Variants in DNAH12 observed in about 807,000 individuals in gnomAD.
DNAH12 encodes axonemal beta dynein heavy chain 12.
Under a neutral mutation model 371.5 loss-of-function variants are expected in DNAH12, and 285 were observed. The observed-to-expected ratio is 0.77, with a 90% CI of 0.70 to 0.85. The LOEUF (loss-of-function observed/expected upper bound fraction) is 0.85, where lower values mean the gene tolerates loss of function less well. DNAH12 is among the 40% of genes least tolerant of loss of function. DNAH12 has a pLI of 0.00. For missense variants in DNAH12, 3,611 were observed against 3,689.4 expected (o/e 0.98, Z 0.55); for synonymous variants, 1,200 against 1,213.0 (o/e 0.99, Z 0.22).
In DNAH12 at chr3:57,465,716, A is replaced by G. The variant is rs183749855; in HGVS notation, c.2350-2841T>C. Among the ~76,000 whole-genome samples, 403 of 152,294 alleles carry G rather than the reference A, an allele frequency of 2.6e-3. 1 individual carries two copies. Among genetic ancestry groups the G allele is most frequent in the Non-Finnish European group, 4.7e-3 (317 of 68,014 alleles). On this transcript the variant is annotated intron_variant, in intron 17 of 73. Coordinates refer to ENST00000495027, the MANE Select transcript of DNAH12 (RefSeq NM_001366028.2). Reference sequence around the variant, plus strand: ...AATAATAAATATTCACATCACAGACAAAGCCTAATCTCCTATATATACAAG... The same window carrying G: ...AATAATAAATATTCACATCACAGACGAAGCCTAATCTCCTATATATACAAG...
intron 15 of DNAH12, 78 bp from the exon 16 acceptor site, chr3:57,470,714 A>G (rs763866100): frequency 8.4e-7 from 1 of 1,192,872 alleles, no homozygotes; most frequent in African/African-American, 1.6e-5. Flanking sequence ...TACTGTGTAC[A>G]ATATGTCCTT....
At chr3:57,396,290 C>CAAAAAAAAAA (rs1159748997) in intron 43 of DNAH12, among the ~76,000 whole-genome samples, 10 of 68,712 alleles carry the variant, frequency 1.5e-4, no homozygotes, top group East Asian at 4.4e-4. Flanking sequence ...AAAAAAAAAA[C>CAAAAAAAAAA]AAAAAAAAAA....
chr3:57,463,709 A>G (rs941126656), intron 17 of DNAH12, among the ~76,000 whole-genome samples: 1 of 152,114 alleles, frequency 6.6e-6, no homozygotes, highest in African/African-American at 2.4e-5. Flanking sequence ...TATAACAGGC[A>G]CTCAGTAAGT....
intron 8 of DNAH12, among the ~76,000 whole-genome samples, chr3:57,505,243 C>T (rs1254192922): frequency 1.5e-5 from 2 of 129,192 alleles, no homozygotes; most frequent in Non-Finnish European, 3.3e-5. Flanking sequence ...TTACCACACC[C>T]CCCACCCCCC....
chr3:57,544,609 G>C (rs1409675518), upstream of DNAH12, among the ~76,000 whole-genome samples: 3 of 152,164 alleles, frequency 2.0e-5, no homozygotes, highest in African/African-American at 7.2e-5. Flanking sequence ...ATTTAGATCT[G>C]TTGGAAAACA....
intron 70 of DNAH12, among the ~76,000 whole-genome samples, chr3:57,300,539 C>G (rs1258233446): frequency 1.3e-5 from 2 of 151,966 alleles, no homozygotes; most frequent in African/African-American, 4.8e-5. Context: ...CACACACACC[C>G]ACACACACCA....
chr3:57,412,943 C>T (rs2064252594), intron 39 of DNAH12, among the ~76,000 whole-genome samples: 1 of 152,152 alleles, frequency 6.6e-6, no homozygotes, highest in South Asian at 2.1e-4. Flanking sequence ...TTGGTATTTA[C>T]TCAAAGAAGT....
chr3:57,442,575 A>G (rs919945344), intron 29 of DNAH12, among the ~76,000 whole-genome samples: 2 of 152,232 alleles, frequency 1.3e-5, no homozygotes, highest in African/African-American at 4.8e-5. Context: ...TTTGAAATCC[A>G]AAAGAAGTCA....
Position 57,493,359 on chromosome 3 carries a change from A to G in DNAH12, c.1336-3672T>C, listed in dbSNP as rs375108137. Reference sequence around the variant, plus strand: ...ATATAGCATTTATATTGCATTAGGTATTAGAAGTAATCTAGAGATAGTTTA... The same window carrying G: ...ATATAGCATTTATATTGCATTAGGTGTTAGAAGTAATCTAGAGATAGTTTA... On this transcript the variant is annotated intron_variant, in intron 11 of 73. Transcript: ENST00000495027. 1.3e-3 allele frequency among the ~76,000 whole-genome samples: 198 copies of G among 152,318 alleles called. 1 individual carries two copies. The highest frequency in any genetic ancestry group is 4.5e-3 in the African/African-American group (186 of 41,586).
rs369766141 is a variant in DNAH12 at position 57,293,816 on chromosome 3, G to A, written c.11848C>T (p.Arg3950Cys). The change falls in exon 74 of 74, where the codon CGC (arginine) becomes TGC (cysteine). Residue 3950 changes from arginine to cysteine, a missense_variant. Around this residue, in one of 3 missense-constraint regions of DNAH12, gnomAD observed 2,266 missense variants for 2,236.9 expected, o/e 1.01. Transcript: ENST00000495027. ...TDQPTRHWIK[R>C]GVALLCQLDD is the part of the protein sequence containing the mutation. The stretch of plus-strand genomic sequence containing the variant: ...AACTGACAAAGCAAAGCAACCCCGC[G>A]CTTGATCCAGTGCCGAGTAGGTTGG... 52 of 1,549,388 alleles carry A rather than the reference G, an allele frequency of 3.4e-5. 1 individual carries two copies. The South Asian group carries it at 5.0e-4, about 15-fold the overall frequency.
intron 60 of DNAH12, among the ~76,000 whole-genome samples, chr3:57,336,513 CTTAT>C (rs1426665248): frequency 6.6e-6 from 1 of 152,000 alleles, no homozygotes; most frequent in Admixed American, 6.6e-5. Context: ...GAGATATTTA[CTTAT>C]TTCTTTTCCA....
chr3:57,314,410 G>C, intron 66 of DNAH12, 84 bp downstream of exon 66: 10 of 1,498,044 alleles, frequency 6.7e-6, no homozygotes, highest in Non-Finnish European at 9.0e-6. Context: ...TGGGAGAAGT[G>C]AATCAGCTAT....
Position 57,444,833 on chromosome 3 carries a change from A to C in DNAH12, c.4426-17T>G. ...TCGAAGAAGCTAAAATTACCCAAAA[A>C]GTACAATGTTAAGTTAGTTGCCAGC... On this transcript the variant is annotated splice_polypyrimidine_tract_variant and intron_variant, in intron 28 of 73. Coordinates refer to ENST00000495027, the MANE Select transcript of DNAH12 (RefSeq NM_001366028.2). 6.5e-7 allele frequency: 1 copy of C among 1,538,990 alleles called. No homozygotes were observed. Among genetic ancestry groups the C allele is most frequent in the Non-Finnish European group, 8.8e-7 (1 of 1,141,110 alleles).
chr3:57,340,972 C>A (rs931877732), intron 60 of DNAH12, among the ~76,000 whole-genome samples: 3 of 152,132 alleles, frequency 2.0e-5, no homozygotes, highest in African/African-American at 7.2e-5. Flanking sequence ...CCTAGGGATG[C>A]AAGGATTATT....
In DNAH12 at chr3:57,502,624, A is replaced by G; in HGVS notation, c.1087-145T>C. ...GAGCGCATTGGTGCGATCTCGGCTCACTGCAACCTCCGCCTCCCAGGTTCA... is the reference window on the plus strand; with the variant it reads ...GAGCGCATTGGTGCGATCTCGGCTCGCTGCAACCTCCGCCTCCCAGGTTCA... On this transcript the variant is annotated intron_variant, in intron 9 of 73. Coordinates refer to ENST00000495027, the MANE Select transcript of DNAH12 (RefSeq NM_001366028.2). 4 of 797,668 alleles carry G rather than the reference A, an allele frequency of 5.0e-6. No homozygotes were observed. The South Asian group carries it at 5.9e-5, about 12-fold the overall frequency. The allele number at this position is 797,668 out of a possible 1,614,324, so 49.4% of individuals were successfully genotyped here. A position where few individuals can be genotyped will look rare whatever the true frequency, so the allele number is the denominator to read the frequency against.
At chr3:57,420,928 A>AG (rs1319897373) in intron 36 of DNAH12, among the ~76,000 whole-genome samples, 3 of 151,270 alleles carry the variant, frequency 2.0e-5, no homozygotes, top group African/African-American at 7.3e-5. Context: ...AAAAAAAAAA[A>AG]AAGAAAGAAA....
intron 39 of DNAH12, 25 bp from the exon 40 acceptor site, chr3:57,408,560 T>C (rs1553682083): frequency 6.7e-7 from 1 of 1,496,014 alleles, no homozygotes; most frequent in South Asian, 1.4e-5. Context: ...ACAAAAAATT[T>C]AGATTATCTG....
chr3:57,545,559 A>G (rs759919494), upstream of DNAH12, among the ~76,000 whole-genome samples: 3 of 150,616 alleles, frequency 2.0e-5, no homozygotes, highest in Non-Finnish European at 4.4e-5. Flanking sequence ...TCGCTCTGTC[A>G]CCCAGGCTGG....
At position 57,455,923 on chromosome 3, in the gene DNAH12, A is replaced by T. The variant is rs574936062; in HGVS notation, c.3337-1029T>A. ...CAGTAAGTGATTTTAGCAGATCCAA[A>T]CTATAAATTGAAAACAACTACAGAA... On this transcript the variant is annotated intron_variant, in intron 22 of 73. Coordinates refer to ENST00000495027, the MANE Select transcript of DNAH12 (RefSeq NM_001366028.2). 2.2e-4 allele frequency among the ~76,000 whole-genome samples: 33 copies of T among 152,350 alleles called. No individual in the cohort carries two copies. The South Asian group carries it at 6.4e-3, about 30-fold the overall frequency.
Sources: allele counts gnomAD v4.1 joint callset (sites outside exome capture counted in the v4.1 genomes callset), GRCh38; gene constraint gnomAD v4.1.1; regional missense constraint gnomAD v4.1.1; transcripts MANE v1.5; gene names NCBI Gene and HGNC (gene_info 2026-07-23, HGNC 2026-07-21).